POT1: variants seen among roughly 807,000 people sequenced by gnomAD.
The protein encoded by POT1 is protection of telomeres 1.
A neutral mutation model predicts 78.5 loss-of-function variants in POT1; 47 were observed. The ratio of observed to expected loss-of-function variants is 0.60; its 90% CI spans 0.47 to 0.76. The LOEUF (loss-of-function observed/expected upper bound fraction) is 0.76. Among genes scored for constraint, POT1 ranks in the 30% least tolerant of loss-of-function variants. The pLI is 0.00. For synonymous variants in POT1, 259 were observed against 260.7 expected (o/e 0.99, Z 0.06); for missense variants, 646 against 749.9 (o/e 0.86, Z 1.62).
chr7:124,889,861 T>A (rs1796328530), intron 6 of POT1, among the ~76,000 whole-genome samples: 3 of 152,018 alleles, frequency 2.0e-5, no homozygotes, highest in Non-Finnish European at 4.4e-5. Flanking sequence ...GTGCACCTAG[T>A]CACACAAGAG....
intron 2 of POT1, among the ~76,000 whole-genome samples, chr7:124,926,479 G>A (rs758405755): frequency 1.3e-5 from 2 of 152,040 alleles, no homozygotes; most frequent in South Asian, 2.1e-4. Flanking sequence ...ATACACTGTC[G>A]GTGAGAATGT....
At chr7:124,885,293 CAAAAAAAAAA>C (rs11372618) in intron 6 of POT1, among the ~76,000 whole-genome samples, 3 of 63,250 alleles carry the variant, frequency 4.7e-5, no homozygotes, top group African/African-American at 1.2e-4. Flanking sequence ...TCCATCTCTC[CAAAAAAAAAA>C]AAAAAAAAAA....
chr7:124,902,874 C>T (rs1257447585), intron 3 of POT1, among the ~76,000 whole-genome samples: 1 of 152,070 alleles, frequency 6.6e-6, no homozygotes, highest in African/African-American at 2.4e-5. Flanking sequence ...GAGTTGCAAT[C>T]CTAGTCTCTG....
chr7:124,883,965 T>C (rs1251947979), intron 6 of POT1, among the ~76,000 whole-genome samples: 1 of 151,934 alleles, frequency 6.6e-6, no homozygotes, highest in African/African-American at 2.4e-5. Flanking sequence ...TTAATATCAA[T>C]ATGTGTATCA....
At chr7:124,911,265 A>G (rs1796882841) in intron 3 of POT1, among the ~76,000 whole-genome samples, 1 of 152,092 alleles carries the variant, frequency 6.6e-6, no homozygotes, top group Non-Finnish European at 1.5e-5. Flanking sequence ...ATCAAAATAG[A>G]TATTTACAAA....
At chr7:124,917,537 C>T (rs1584528026) in intron 2 of POT1, among the ~76,000 whole-genome samples, 1 of 152,070 alleles carries the variant, frequency 6.6e-6, no homozygotes, top group South Asian at 2.1e-4. Context: ...TAAAAACTAC[C>T]CCAGTCTCCA....
chr7:124,838,218 GTATACATA>G (rs923594343), intron 14 of POT1, among the ~76,000 whole-genome samples: 1 of 151,884 alleles, frequency 6.6e-6, no homozygotes, highest in Admixed American at 6.6e-5. Flanking sequence ...GAAACAAAAG[GTATACATA>G]TTAGGAAGGA....
chr7:124,875,267 T>C (rs1393810378), intron 6 of POT1, among the ~76,000 whole-genome samples: 1 of 152,192 alleles, frequency 6.6e-6, no homozygotes, highest in African/African-American at 2.4e-5. Flanking sequence ...TCTTGAAATA[T>C]AGATATTCAT....
chr7:124,897,181 G>A lies in POT1; in HGVS notation c.-8C>T, dbSNP rs1796512130. On this transcript the variant is annotated 5_prime_UTR_variant, in exon 5 of 19. Transcript: ENST00000357628. Reference sequence around the variant, plus strand: ...TCATCTTACCAAAGACATTGATTCTGTAGAAAAATCTCTTAAAGATTTGAC... The same window carrying A: ...TCATCTTACCAAAGACATTGATTCTATAGAAAAATCTCTTAAAGATTTGAC... 4.1e-6 allele frequency: 6 copies of A among 1,451,980 alleles called. No homozygotes were observed. In the East Asian group the frequency reaches 1.4e-4, roughly 34 times the overall value. The allele number at this position is 1,451,980 out of a possible 1,614,324, so 89.9% of individuals were successfully genotyped here.
At position 124,875,696 on chromosome 7, in the gene POT1, T is replaced by C. The variant is rs145328814; in HGVS notation, c.125-4655A>G. Among the ~76,000 whole-genome samples, 381 of 152,238 alleles carry C rather than the reference T, an allele frequency of 2.5e-3. 2 individuals carry two copies. The highest frequency in any genetic ancestry group is 3.6e-3 in the Non-Finnish European group (244 of 67,988). On this transcript the variant is annotated intron_variant, in intron 6 of 18. Transcript: ENST00000357628. ...ATATCCTATATAAAGTTTCTCAAGC[T>C]CAAAAATTGATGCATGAAAATATGT...
intron 14 of POT1, among the ~76,000 whole-genome samples, chr7:124,840,139 A>G (rs1794991545): frequency 6.6e-6 from 1 of 152,054 alleles, no homozygotes; most frequent in Non-Finnish European, 1.5e-5. Context: ...ATTTGTTAAA[A>G]ATGAACCTAT....
At chr7:124,876,438 AAAG>A (rs1795992797) in intron 6 of POT1, among the ~76,000 whole-genome samples, 1 of 152,200 alleles carries the variant, frequency 6.6e-6, no homozygotes, top group Non-Finnish European at 1.5e-5. Context: ...GCAAAAGGAA[AAAG>A]AATGACAAAA....
chr7:124,825,887 C>T (rs1794618735), intron 17 of POT1, among the ~76,000 whole-genome samples: 1 of 152,130 alleles, frequency 6.6e-6, no homozygotes, highest in Admixed American at 6.5e-5. Flanking sequence ...AAATTCTCCT[C>T]TCAACTATAA....
At chr7:124,890,626 C>G (rs1796347562) in intron 6 of POT1, among the ~76,000 whole-genome samples, 1 of 151,846 alleles carries the variant, frequency 6.6e-6, no homozygotes, top group South Asian at 2.1e-4. Flanking sequence ...TCCATCCTGA[C>G]CAATCAACCT....
At chr7:124,905,377 G>C (rs1003916262) in intron 3 of POT1, among the ~76,000 whole-genome samples, 2 of 152,142 alleles carry the variant, frequency 1.3e-5, no homozygotes, top group Non-Finnish European at 2.9e-5. Context: ...ACAAGAAATG[G>C]AGAAAGGATT....
chr7:124,856,684 T>C (rs951445867), intron 9 of POT1, among the ~76,000 whole-genome samples: 7 of 152,070 alleles, frequency 4.6e-5, no homozygotes, highest in Admixed American at 1.3e-4. Context: ...GAAGACCTGT[T>C]TGGAAGCAGT....
chr7:124,872,105 G>C (rs1429165935), intron 6 of POT1, among the ~76,000 whole-genome samples: 1 of 151,984 alleles, frequency 6.6e-6, no homozygotes, highest in Non-Finnish European at 1.5e-5. Flanking sequence ...TCTGTGCCTG[G>C]CTTATTTTAC....
At chr7:124,867,921 T>C (rs1054825598) in intron 7 of POT1, among the ~76,000 whole-genome samples, 10 of 152,094 alleles carry the variant, frequency 6.6e-5, no homozygotes, top group African/African-American at 2.4e-4. Flanking sequence ...GCTGGGATTA[T>C]AGGCGTGAGC....
At position 124,858,952 on chromosome 7, in the gene POT1, A is replaced by C; in HGVS notation, c.702+5T>G. The C allele has an allele frequency of 1.3e-6, 2 of 1,589,596 alleles. No individual in the cohort carries two copies. Among genetic ancestry groups the C allele is most frequent in the Non-Finnish European group, 1.7e-6 (2 of 1,166,852 alleles). ...AAAATAACATTTTTTCCTACTATAC[A>C]TCACCTTCAGAGATCTTGCCACATG... is the stretch of plus-strand genomic sequence containing the variant. On this transcript the variant is annotated splice_donor_5th_base_variant and intron_variant, in intron 9 of 18. Coordinates refer to ENST00000357628, the MANE Select transcript of POT1 (RefSeq NM_015450.3).
Sources: gnomAD v4.1 joint callset for allele counts (sites outside exome capture counted in the v4.1 genomes callset) on GRCh38, gnomAD v4.1.1 for gene constraint, MANE v1.5 for transcripts, NCBI Gene and HGNC (gene_info 2026-07-23, HGNC 2026-07-21) for gene names.